Variants in GRID2 observed in about 807,000 individuals in gnomAD.
The protein encoded by GRID2 is glutamate receptor ionotropic, delta-2.
A neutral mutation model predicts 114.8 loss-of-function variants in GRID2; 33 were observed. That is an observed-to-expected ratio of 0.29 (90% CI 0.22 to 0.38). The LOEUF (loss-of-function observed/expected upper bound fraction) is 0.38, where lower values mean the gene tolerates loss of function less well. GRID2 is among the 10% of genes least tolerant of loss of function. GRID2 has a pLI of 1.00. For synonymous variants in GRID2, 505 were observed against 449.9 expected, an observed-to-expected ratio of 1.12 and a Z score of -1.55; for missense variants, 1,184 against 1,257.7, an observed-to-expected ratio of 0.94 and a Z score of 0.89.
chr4:93,615,292 T>G (rs1000427914), intron 13 of GRID2, among the ~76,000 whole-genome samples: 1 of 152,212 alleles, frequency 6.6e-6, no homozygotes, highest in Non-Finnish European at 1.5e-5. Flanking sequence ...GCTAAATATA[T>G]CTAAGGTGTC....
chr4:92,914,013 G>A (rs1029967738), intron 2 of GRID2, among the ~76,000 whole-genome samples: 1 of 152,042 alleles, frequency 6.6e-6, no homozygotes, highest in Non-Finnish European at 1.5e-5. Flanking sequence ...AGCAGAAATG[G>A]TTTGGTCCAA....
At chr4:93,783,930 G>C (rs947891623) in intron 1 of GRID2, among the ~76,000 whole-genome samples, 12 of 150,000 alleles carry the variant, frequency 8.0e-5, no homozygotes, top group Non-Finnish European at 1.8e-4. Flanking sequence ...AAATTAGCCA[G>C]GCGTAGTGGC....
chr4:92,691,015 T>C (rs1234178457), intron 2 of GRID2, among the ~76,000 whole-genome samples: 4 of 152,064 alleles, frequency 2.6e-5, no homozygotes, highest in Non-Finnish European at 1.5e-5. Context: ...AATTTCCAAA[T>C]CATTGGACTC....
Position 93,216,723 on chromosome 4 carries a change from C to T in GRID2, c.790-15C>T, listed in dbSNP as rs2149482755. On this transcript the variant is annotated splice_polypyrimidine_tract_variant and intron_variant, in intron 5 of 15. Transcript: ENST00000282020. ...TATTAAAGTATCTCTAATTCTTCCA[C>T]CTCTTATCTTATAGGAAATAAACGA... 1.9e-6 allele frequency: 3 copies of T among 1,567,606 alleles called. No homozygotes were observed. Among genetic ancestry groups the T allele is most frequent in the Non-Finnish European group, 1.8e-6 (2 of 1,139,494 alleles).
At chr4:93,482,214 T>C (rs1725942248) in intron 11 of GRID2, among the ~76,000 whole-genome samples, 1 of 152,034 alleles carries the variant, frequency 6.6e-6, no homozygotes, top group African/African-American at 2.4e-5. Flanking sequence ...TTATAAATCA[T>C]TTTACTATAA....
chr4:93,700,917 T>TC (rs1185514002), intron 14 of GRID2, among the ~76,000 whole-genome samples: 1 of 152,074 alleles, frequency 6.6e-6, no homozygotes. Flanking sequence ...CCTTTTTTTT[T>TC]CTCCTTTTAA....
chr4:93,052,356 A>T (rs959355498), intron 2 of GRID2, among the ~76,000 whole-genome samples: 1 of 151,820 alleles, frequency 6.6e-6, no homozygotes, highest in African/African-American at 2.4e-5. Flanking sequence ...TAATGATGGG[A>T]TATGTTCTGA....
chr4:92,338,640 TA>T (rs1451398720), intron 1 of GRID2, among the ~76,000 whole-genome samples: 1 of 152,100 alleles, frequency 6.6e-6, no homozygotes. Flanking sequence ...GCTATCTATC[TA>T]AAACATTGTA....
chr4:93,355,479 G>A (rs1003624048), intron 8 of GRID2, among the ~76,000 whole-genome samples: 1 of 152,040 alleles, frequency 6.6e-6, no homozygotes, highest in Non-Finnish European at 1.5e-5. Context: ...AATTTGCAGA[G>A]GCCATATCTC....
chr4:93,387,646 A>G (rs1764449702), intron 8 of GRID2, among the ~76,000 whole-genome samples: 1 of 152,052 alleles, frequency 6.6e-6, no homozygotes, highest in Admixed American at 6.5e-5. Flanking sequence ...CCTGGCCAAC[A>G]CAGTGGAACC....
chr4:93,338,133 A>G (rs1481192716), intron 8 of GRID2, among the ~76,000 whole-genome samples: 1 of 142,628 alleles, frequency 7.0e-6, no homozygotes, highest in Non-Finnish European at 1.5e-5. Context: ...TTGACCATTC[A>G]TCAGTGATGT....
intron 4 of GRID2, among the ~76,000 whole-genome samples, chr4:93,160,403 A>T (rs1204730068): frequency 1.3e-5 from 2 of 151,878 alleles, no homozygotes; most frequent in Non-Finnish European, 2.9e-5. Flanking sequence ...TTACTTCAAG[A>T]GATAAAAGTG....
chr4:92,606,322 C>A (rs1462762575), intron 2 of GRID2, among the ~76,000 whole-genome samples: 1 of 151,582 alleles, frequency 6.6e-6, no homozygotes. Flanking sequence ...AGTTACTATT[C>A]TTATTAGCGT....
intron 1 of GRID2, among the ~76,000 whole-genome samples, chr4:92,342,866 G>C (rs2110166186): frequency 6.6e-6 from 1 of 152,160 alleles, no homozygotes; most frequent in South Asian, 2.1e-4. Context: ...ACTATATCCT[G>C]GGAATGAGTT....
At chr4:92,390,888 G>C (rs1470904427) in intron 1 of GRID2, among the ~76,000 whole-genome samples, 7 of 152,036 alleles carry the variant, frequency 4.6e-5, no homozygotes, top group Non-Finnish European at 1.0e-4. Flanking sequence ...ATTTATGTCT[G>C]CTTAATCATG....
intron 14 of GRID2, among the ~76,000 whole-genome samples, chr4:93,675,865 C>T (rs1724807799): frequency 6.6e-6 from 1 of 152,052 alleles, no homozygotes; most frequent in Non-Finnish European, 1.5e-5. Flanking sequence ...ATAATAATGG[C>T]TTATACTTTC....
At chr4:93,428,607 A>T (rs972998248) in intron 10 of GRID2, among the ~76,000 whole-genome samples, 1 of 152,188 alleles carries the variant, frequency 6.6e-6, no homozygotes, top group Non-Finnish European at 1.5e-5. Flanking sequence ...TTTCAAACAC[A>T]CATTTCTATT....
At chr4:93,508,039 G>A (rs904137607) in intron 12 of GRID2, among the ~76,000 whole-genome samples, 2 of 152,016 alleles carry the variant, frequency 1.3e-5, no homozygotes, top group Admixed American at 6.6e-5. Flanking sequence ...GATAGCATTA[G>A]GAGATATACC....
At chr4:92,949,978 A>G (rs1751910912) in intron 2 of GRID2, among the ~76,000 whole-genome samples, 4 of 152,112 alleles carry the variant, frequency 2.6e-5, no homozygotes, top group Admixed American at 2.6e-4. Flanking sequence ...CACAGAGGGA[A>G]TGACAGTGCA....
Sources: allele counts gnomAD v4.1 joint callset (sites outside exome capture counted in the v4.1 genomes callset), GRCh38; gene constraint gnomAD v4.1.1; transcripts MANE v1.5; gene names NCBI Gene and HGNC (gene_info 2026-07-23, HGNC 2026-07-21).